Variants in MKLN1 observed in about 807,000 individuals in gnomAD.
The protein encoded by MKLN1 is muskelin 1, also known as muskelin.
In MKLN1, 18 loss-of-function variants were observed where a neutral mutation model predicts 99.0. That is an observed-to-expected ratio of 0.18 (90% CI 0.13 to 0.27). The LOEUF is 0.27. Ranked by LOEUF, MKLN1 falls within the 10% of genes least tolerant of loss-of-function variation. The pLI, the probability that MKLN1 is intolerant of heterozygous loss-of-function variation, is 1.00. For synonymous variants in MKLN1, 288 were observed against 293.2 expected (o/e 0.98, Z 0.18); for missense variants, 621 against 875.9 (o/e 0.71, Z 3.67).
At position 131,492,734 on chromosome 7, in the gene MKLN1, C is replaced by CAA. The variant is rs3079482; in HGVS notation, c.*5024_*5025dup. The CAA allele has an allele frequency of 0.45, 52,358 of 116,646 alleles. 11,688 individuals are homozygous for CAA. The highest frequency in any genetic ancestry group is 0.66 in the East Asian group (2,741 of 4,124). The allele number at this position is 116,646 out of a possible 1,614,324, so 7.2% of individuals were successfully genotyped here. On this transcript the variant is annotated 3_prime_UTR_variant, in exon 18 of 18. Transcript: ENST00000352689. The stretch of plus-strand genomic sequence containing the variant: ...TGGGCAACAGAGCAAGACCCTGTCT[C>CAA]AAAAAAAAAAAAAAAAAAAGAATGT...
chr7:131,227,592 A>C (rs1466263479), intron 3 of MKLN1, among the ~76,000 whole-genome samples: 1 of 137,154 alleles, frequency 7.3e-6, no homozygotes, highest in East Asian at 2.1e-4. Context: ...TTGAGACAGA[A>C]TCTCACTCTG....
At chr7:131,228,973 G>C (rs1797199102) in intron 3 of MKLN1, among the ~76,000 whole-genome samples, 2 of 152,150 alleles carry the variant, frequency 1.3e-5, no homozygotes, top group South Asian at 4.1e-4. Flanking sequence ...GAATTATTGA[G>C]TAAGTGGTCC....
chr7:131,353,903 TAAAA>T (rs35581656), intron 1 of MKLN1, among the ~76,000 whole-genome samples: 41 of 113,712 alleles, frequency 3.6e-4, no homozygotes, highest in East Asian at 1.8e-3. Flanking sequence ...TGTACCTTTG[TAAAA>T]AAAAAAAAAA....
intron 8 of MKLN1, among the ~76,000 whole-genome samples, chr7:131,421,177 A>G (rs1401740312): frequency 6.6e-6 from 1 of 152,220 alleles, no homozygotes; most frequent in African/African-American, 2.4e-5. Context: ...GCTCAAGTGC[A>G]CAATCTGGTG....
At chr7:131,384,109 C>T (rs1793935198) in intron 2 of MKLN1, among the ~76,000 whole-genome samples, 1 of 152,024 alleles carries the variant, frequency 6.6e-6, no homozygotes, top group Non-Finnish European at 1.5e-5. Flanking sequence ...TATTAGGCTG[C>T]AACCACACTG....
intron 2 of MKLN1, among the ~76,000 whole-genome samples, chr7:131,375,831 T>A (rs1793629443): frequency 2.0e-5 from 3 of 150,298 alleles, no homozygotes; most frequent in Admixed American, 2.0e-4. Flanking sequence ...ATAGTTTATT[T>A]TATTATAATA....
intron 3 of MKLN1, among the ~76,000 whole-genome samples, chr7:131,307,381 G>T (rs1248801472): frequency 2.0e-5 from 3 of 152,154 alleles, no homozygotes; most frequent in Non-Finnish European, 2.9e-5. Context: ...CTGCCTAGTG[G>T]ACCTGTGAGA....
At chr7:131,162,000 T>TATATATATATATATAG (rs1491177471) in intron 2 of MKLN1, among the ~76,000 whole-genome samples, 1 of 127,036 alleles carries the variant, frequency 7.9e-6, no homozygotes, top group Non-Finnish European at 1.7e-5. Flanking sequence ...TATATATATA[T>TATATATATATATATAG]GTAACAGAGT....
intron 3 of MKLN1, among the ~76,000 whole-genome samples, chr7:131,309,582 G>A (rs1798525722): frequency 1.3e-5 from 2 of 151,750 alleles, no homozygotes; most frequent in Non-Finnish European, 2.9e-5. Context: ...CTGGCTAATT[G>A]TTGTATTTTT....
chr7:131,159,941 C>T (rs1283644193), intron 2 of MKLN1, among the ~76,000 whole-genome samples: 3 of 151,998 alleles, frequency 2.0e-5, no homozygotes, highest in African/African-American at 7.3e-5. Context: ...GAACATGGCT[C>T]AAAGTCACAA....
intron 2 of MKLN1, among the ~76,000 whole-genome samples, chr7:131,167,009 A>G (rs1796135798): frequency 6.6e-6 from 1 of 151,984 alleles, no homozygotes; most frequent in Non-Finnish European, 1.5e-5. Flanking sequence ...ATCTTTTTAG[A>G]AAGGCCTTTC....
intron 3 of MKLN1, among the ~76,000 whole-genome samples, chr7:131,250,865 G>A (rs2116514798): frequency 6.6e-6 from 1 of 152,254 alleles, no homozygotes; most frequent in Middle Eastern, 3.4e-3. Flanking sequence ...ACTCCAAGTT[G>A]CTGCATATCA....
chr7:131,279,895 T>G (rs1798026768), intron 3 of MKLN1, among the ~76,000 whole-genome samples: 1 of 152,138 alleles, frequency 6.6e-6, no homozygotes, highest in Non-Finnish European at 1.5e-5. Context: ...ACTATCTAAT[T>G]TTACAGCCTT....
At chr7:131,475,634 A>C (rs1217624577) in intron 16 of MKLN1, among the ~76,000 whole-genome samples, 1 of 152,146 alleles carries the variant, frequency 6.6e-6, no homozygotes, top group Admixed American at 6.5e-5. Context: ...CAACATAGCA[A>C]AAACCTGTCT....
chr7:131,491,613 G>C lies in MKLN1; in HGVS notation c.*3885G>C, dbSNP rs1012313292. On this transcript the variant is annotated 3_prime_UTR_variant, in exon 18 of 18. Transcript: ENST00000352689. ...GTTGAAGGCAGACATTTCCAAGTTT[G>C]TTGAAATAATACGAAGCTGACTAGC... is the stretch of plus-strand genomic sequence containing the variant. 6.6e-6 allele frequency: 1 copy of C among 152,200 alleles called. No individual in the cohort carries two copies. The highest frequency in any genetic ancestry group is 1.5e-5 in the Non-Finnish European group (1 of 68,024). 9.4% of individuals were successfully genotyped at this position (152,200 alleles called of 1,614,324 possible). A position where few individuals can be genotyped will look rare whatever the true frequency, so the allele number is the denominator to read the frequency against.
chr7:131,455,519 TTC>T (rs1172667249), intron 12 of MKLN1, among the ~76,000 whole-genome samples: 2 of 152,208 alleles, frequency 1.3e-5, no homozygotes, highest in Non-Finnish European at 2.9e-5. Context: ...CATTCTTATT[TTC>T]TGTTTTTTTC....
chr7:131,130,235 C>T (rs954348640), intron 1 of MKLN1, among the ~76,000 whole-genome samples: 4 of 152,070 alleles, frequency 2.6e-5, no homozygotes, highest in Non-Finnish European at 4.4e-5. Flanking sequence ...TGAGGAATTG[C>T]TGAGGATAGA....
intron 3 of MKLN1, chr7:131,243,129 A>G (rs545184563): frequency 9.7e-5 from 33 of 340,572 alleles, no homozygotes; most frequent in Non-Finnish European, 1.6e-4. Flanking sequence ...ATCAAATTAC[A>G]TATAAATACG....
intron 3 of MKLN1, among the ~76,000 whole-genome samples, chr7:131,261,165 G>A (rs1364003497): frequency 1.3e-5 from 2 of 152,188 alleles, no homozygotes; most frequent in African/African-American, 4.8e-5. Context: ...AAGCTAAACA[G>A]TTTCTGCACA....
Sources: allele counts gnomAD v4.1 joint callset (sites outside exome capture counted in the v4.1 genomes callset), GRCh38; gene constraint gnomAD v4.1.1; transcripts MANE v1.5; gene names NCBI Gene and HGNC (gene_info 2026-07-23, HGNC 2026-07-21).